The following PLAC1 variants were observed in gnomAD, a reference collection of about 807,000 sequenced individuals.
PLAC1 encodes placenta-specific protein 1.
For synonymous variants in PLAC1, 68 were observed against 62.1 expected, an observed-to-expected ratio of 1.09 and a Z score of -0.44; for missense variants, 136 against 163.2, an observed-to-expected ratio of 0.83 and a Z score of 0.91.
rs141380869 is a variant in PLAC1, at chrX:134,652,689, T to C, written c.-131+5639A>G. On this transcript the variant is annotated intron_variant, in intron 1 of 2. Transcript: ENST00000359237. ...TGCCTCAGTTTCCACATCTGTAAAA[T>C]TGGTTAACAATAACATCTACCTCAC... Among the ~76,000 whole-genome samples the C allele has an allele frequency of 5.4e-3, 599 of 110,950 alleles. 2 individuals carry two copies. Among genetic ancestry groups the C allele is most frequent in the African/African-American group, 0.018 (556 of 30,469 alleles).
intron 2 of PLAC1, among the ~76,000 whole-genome samples, chrX:134,692,399 T>A (rs755309870): frequency 1.3e-4 from 14 of 111,755 alleles, no homozygotes; most frequent in Non-Finnish European, 1.9e-4. Flanking sequence ...TTGGGGCATC[T>A]CCTTCTGGAC....
intron 2 of PLAC1, among the ~76,000 whole-genome samples, chrX:134,588,958 C>A (rs1253469411): frequency 9.0e-6 from 1 of 111,307 alleles, no homozygotes; most frequent in Non-Finnish European, 1.9e-5. Flanking sequence ...GGCACTAAAT[C>A]ATGGTATGTT....
chrX:134,655,332 T>TACACACACACACACAC (rs545237127), intron 1 of PLAC1, among the ~76,000 whole-genome samples: 3 of 99,152 alleles, frequency 3.0e-5, no homozygotes, highest in Admixed American at 1.1e-4. Flanking sequence ...TCAATCTATT[T>TACACACACACACACAC]ACACACACAC....
chrX:134,731,306 C>A lies in PLAC1; in HGVS notation n.174+2129G>T, dbSNP rs776246989. On this transcript the variant is annotated intron_variant and non_coding_transcript_variant, in intron 2 of 2. Transcript: ENST00000466797. The stretch of plus-strand genomic sequence containing the variant: ...ATTGTACCTACCTGTCACATGAATG[C>A]TTTTCACTGTGCCTGGCACATATTT... Among the ~76,000 whole-genome samples, 6 of 111,986 alleles carry A rather than the reference C, an allele frequency of 5.4e-5. No homozygotes were observed. In the South Asian group the frequency reaches 2.3e-3, roughly 42 times the overall value.
intron 1 of PLAC1, among the ~76,000 whole-genome samples, chrX:134,641,050 G>C (rs112251000): frequency 0.013 from 1,426 of 111,860 alleles, 23 homozygotes; most frequent in African/African-American, 0.044. Context: ...AGTTTGCCTA[G>C]CCTGGGCAAC....
At chrX:134,700,250 G>T (rs1392280398) in intron 2 of PLAC1, among the ~76,000 whole-genome samples, 1 of 111,673 alleles carries the variant, frequency 9.0e-6, no homozygotes, top group Non-Finnish European at 1.9e-5. Flanking sequence ...GAGAGCAAAA[G>T]ATTTGTCTAT....
Position 134,611,099 on chromosome X carries a change from C to T in PLAC1, c.-130-8977G>A, listed in dbSNP as rs761581686. Among the ~76,000 whole-genome samples the T allele has an allele frequency of 9.8e-4, 108 of 110,666 alleles. 1 individual carries two copies. Among genetic ancestry groups the T allele is most frequent in the African/African-American group, 3.3e-3 (99 of 30,407 alleles). On this transcript the variant is annotated intron_variant, in intron 1 of 2. Transcript: ENST00000359237. The stretch of plus-strand genomic sequence containing the variant: ...TTTGCCATGTTGCCCAGGGTGGTCT[C>T]GAACTCCTGGGCTCAAGTGATTTGC...
At chrX:134,566,837 T>C in intron 2 of PLAC1, 97 bp from the exon 3 acceptor site, 1 of 436,181 alleles carries the variant, frequency 2.3e-6, no homozygotes, top group Non-Finnish European at 3.9e-6. Context: ...TCCTAAAGCA[T>C]TAAGAAGAGG....
chrX:134,588,299 TTTATTTATTTA>T (rs1464745499), intron 2 of PLAC1, among the ~76,000 whole-genome samples: 65 of 16,914 alleles, frequency 3.8e-3, no homozygotes, highest in Non-Finnish European at 0.02. Context: ...ATTTTATTTA[TTTATTTATTTA>T]TTTATTTATT....
At chrX:134,633,269 T>C (rs765291450) in intron 1 of PLAC1, among the ~76,000 whole-genome samples, 1 of 111,881 alleles carries the variant, frequency 8.9e-6, no homozygotes, top group Admixed American at 9.5e-5. Flanking sequence ...TTTGCTGCTC[T>C]TAGGGTTATC....
intron 1 of PLAC1, among the ~76,000 whole-genome samples, chrX:134,620,115 A>G (rs888266654): frequency 8.9e-6 from 1 of 112,153 alleles, no homozygotes; most frequent in African/African-American, 3.2e-5. Flanking sequence ...CCTGGAGAAG[A>G]CTCAGACCAC....
At chrX:134,744,816 C>G (rs997402828) in intron 1 of PLAC1, among the ~76,000 whole-genome samples, 3 of 111,502 alleles carry the variant, frequency 2.7e-5, no homozygotes, top group African/African-American at 9.8e-5. Context: ...TCCTAGGTAC[C>G]TTGATACTGG....
At chrX:134,595,778 A>G (rs1201218491) in intron 2 of PLAC1, among the ~76,000 whole-genome samples, 1 of 109,724 alleles carries the variant, frequency 9.1e-6, no homozygotes, top group Non-Finnish European at 1.9e-5. Flanking sequence ...AGTTTCTTGT[A>G]GAGTACATAC....
intron 1 of PLAC1, among the ~76,000 whole-genome samples, chrX:134,611,506 TAC>T (rs1263169819): frequency 1.6e-4 from 8 of 50,036 alleles, no homozygotes; most frequent in South Asian, 1.2e-3. Context: ...GATATATATA[TAC>T]ACACACACAC....
intron 1 of PLAC1, among the ~76,000 whole-genome samples, chrX:134,748,521 G>A (rs986882028): frequency 2.7e-5 from 3 of 111,392 alleles, no homozygotes; most frequent in African/African-American, 9.8e-5. Flanking sequence ...CATCACCAAT[G>A]GTAAGGGATC....
At chrX:134,665,688 T>C (rs2078434474) in intron 2 of PLAC1, among the ~76,000 whole-genome samples, 1 of 111,283 alleles carries the variant, frequency 9.0e-6, no homozygotes, top group Non-Finnish European at 1.9e-5. Context: ...GGTTGAGTTC[T>C]CTGTGAAGCA....
intron 2 of PLAC1, among the ~76,000 whole-genome samples, chrX:134,677,408 C>T (rs2078479046): frequency 8.9e-6 from 1 of 112,205 alleles, no homozygotes; most frequent in Admixed American, 9.4e-5. Context: ...GATATAATTT[C>T]AGAGAGTAAT....
chrX:134,575,919 G>A lies in PLAC1; in HGVS notation c.-58-9179C>T, dbSNP rs1448167045. On this transcript the variant is annotated intron_variant, in intron 2 of 2. Coordinates refer to ENST00000359237, the MANE Select transcript of PLAC1 (RefSeq NM_021796.4). ...TATTTTAAAATACACCATATATAATGTTAAAAATAAATATAAAAGTCTTAT... is the reference window on the plus strand; with the variant it reads ...TATTTTAAAATACACCATATATAATATTAAAAATAAATATAAAAGTCTTAT... Among the ~76,000 whole-genome samples, 3 of 108,333 alleles carry A rather than the reference G, an allele frequency of 2.8e-5. No homozygotes were observed. In the East Asian group the frequency reaches 8.5e-4, roughly 31 times the overall value. 94.1% of individuals were successfully genotyped at this position (108,333 alleles called of 115,157 possible).
intron 2 of PLAC1, among the ~76,000 whole-genome samples, chrX:134,705,504 G>GA (rs1011763634): frequency 1.9e-5 from 2 of 107,945 alleles, no homozygotes; most frequent in African/African-American, 6.7e-5. Flanking sequence ...ATATTAATAT[G>GA]AAAAAAATCA....
Sources: allele counts gnomAD v4.1 joint callset (sites outside exome capture counted in the v4.1 genomes callset), GRCh38; gene constraint gnomAD v4.1.1; transcripts MANE v1.5; gene names NCBI Gene and HGNC (gene_info 2026-07-23, HGNC 2026-07-21).